SGPP2: variants seen among roughly 807,000 people sequenced by gnomAD.
SGPP2 encodes sphingosine-1-phosphate phosphatase 2, also known as sphingosine 1-phosphate phosphohydrolase 2.
A neutral mutation model predicts 33.9 loss-of-function variants in SGPP2; 30 were observed. The observed-to-expected ratio is 0.89, with a 90% confidence interval of 0.66 to 1.20. SGPP2 has a LOEUF of 1.20. Ranked by LOEUF, SGPP2 falls within the 50% of genes most tolerant of loss-of-function variation. The pLI is 0.00. For missense variants in SGPP2, 458 were observed against 532.1 expected (o/e 0.86, Z 1.37); for synonymous variants, 233 against 225.0 (o/e 1.04, Z -0.32).
In SGPP2 at chr2:222,474,602, TCTACTATTA is replaced by T; in HGVS notation, c.256_264del (p.Tyr86_Tyr88del). ...CAGAAGTACGTCGTGAAGAATTATT[TCTACTATTA>T]CCTATTCCAATTTTCAGCTGCTTTG... is the stretch of plus-strand genomic sequence containing the variant. On this transcript the variant is annotated inframe_deletion, in exon 2 of 5. Coordinates refer to ENST00000321276, the MANE Select transcript of SGPP2 (RefSeq NM_152386.4). 1 of 1,614,074 alleles carries T rather than the reference TCTACTATTA, an allele frequency of 6.2e-7. No individual in the cohort carries two copies. The highest frequency in any genetic ancestry group is 8.5e-7 in the Non-Finnish European group (1 of 1,180,000).
intron 1 of SGPP2, among the ~76,000 whole-genome samples, chr2:222,434,608 C>T (rs1294847547): frequency 6.6e-6 from 1 of 152,154 alleles, no homozygotes; most frequent in Non-Finnish European, 1.5e-5. Context: ...TTCATTGTTA[C>T]TTTGTTTATT....
intron 2 of SGPP2, among the ~76,000 whole-genome samples, chr2:222,510,945 T>C (rs1178477233): frequency 6.6e-6 from 1 of 152,238 alleles, no homozygotes; most frequent in African/African-American, 2.4e-5. Flanking sequence ...AAGTGTGGCT[T>C]GGCTTTTTAA....
At chr2:222,452,784 G>C in intron 1 of SGPP2, 1 of 1,521,570 alleles carries the variant, frequency 6.6e-7, no homozygotes, top group Non-Finnish European at 9.1e-7. Context: ...GTAGAGGCTG[G>C]GGTAGGTAGG....
intron 4 of SGPP2, among the ~76,000 whole-genome samples, chr2:222,537,144 GCTGTTTCCAAAAC>G (rs1184850600): frequency 6.6e-6 from 1 of 152,180 alleles, no homozygotes; most frequent in Non-Finnish European, 1.5e-5. Flanking sequence ...TATTCTTCAT[GCTGTTTCCAAAAC>G]CATTTGGAAA....
Position 222,465,676 on chromosome 2 carries a change from T to C in SGPP2, c.220-8892T>C, listed in dbSNP as rs1351184053. ...TCTAGTCTCACCAGAGTAAATCCAG[T>C]TGTGCTCCCATTTAAAACCCTCCCA... On this transcript the variant is annotated intron_variant, in intron 1 of 4. Coordinates refer to ENST00000321276, the MANE Select transcript of SGPP2 (RefSeq NM_152386.4). This position sits in a 1 kb window ranked among gnomAD's most constrained non-coding sequence, Gnocchi z 4.1. Among the ~76,000 whole-genome samples the C allele has an allele frequency of 2.0e-5, 3 of 152,230 alleles. No homozygotes were observed. Among genetic ancestry groups the C allele is most frequent in the Admixed American group, 6.5e-5 (1 of 15,292 alleles).
At chr2:222,428,447 C>CATTACATT (rs1697104029) in intron 1 of SGPP2, among the ~76,000 whole-genome samples, 1 of 152,220 alleles carries the variant, frequency 6.6e-6, no homozygotes, top group South Asian at 2.1e-4. Context: ...CCTTCCTCAG[C>CATTACATT]AGTACATTAG....
At chr2:222,431,985 G>A (rs1182577792) in intron 1 of SGPP2, among the ~76,000 whole-genome samples, 1 of 152,224 alleles carries the variant, frequency 6.6e-6, no homozygotes, top group Non-Finnish European at 1.5e-5. Context: ...AGAAATTGGT[G>A]TGATAATACA....
chr2:222,473,010 T>C (rs1697871478), intron 1 of SGPP2, among the ~76,000 whole-genome samples: 1 of 151,898 alleles, frequency 6.6e-6, no homozygotes, highest in Non-Finnish European at 1.5e-5. Context: ...CGAGACTCGG[T>C]CTCAAAAAAA....
At chr2:222,543,647 G>A (rs1316904923) in intron 4 of SGPP2, among the ~76,000 whole-genome samples, 1 of 152,146 alleles carries the variant, frequency 6.6e-6, no homozygotes, top group Non-Finnish European at 1.5e-5. Flanking sequence ...AGTTGATCAT[G>A]GGTAACTGAA....
intron 1 of SGPP2, among the ~76,000 whole-genome samples, chr2:222,442,239 G>T (rs1436719017): frequency 1.3e-5 from 2 of 152,142 alleles, no homozygotes; most frequent in East Asian, 1.9e-4. Context: ...TTTAAAAGTT[G>T]CTTTTGAATA....
intron 2 of SGPP2, among the ~76,000 whole-genome samples, chr2:222,488,550 T>G (rs1698147114): frequency 6.6e-6 from 1 of 152,178 alleles, no homozygotes; most frequent in Non-Finnish European, 1.5e-5. Flanking sequence ...CTGATCCCAG[T>G]GCTAAATAGG....
intron 4 of SGPP2, among the ~76,000 whole-genome samples, chr2:222,554,357 T>TATCATA (rs1245268846): frequency 1.7e-4 from 26 of 152,262 alleles, no homozygotes; most frequent in Admixed American, 1.4e-3. Flanking sequence ...TGCGTGGCTA[T>TATCATA]ATCATAGTTC....
chr2:222,465,310 G>T lies in SGPP2; in HGVS notation c.220-9258G>T, dbSNP rs1488151288. ...CTTGAAGATGAAAGAAGAAGCCCTC[G>T]TGCATTTTTGTTCCTTCTGTTTTCT... On this transcript the variant is annotated intron_variant, in intron 1 of 4. Transcript: ENST00000321276. This position sits in a 1 kb window ranked among gnomAD's most constrained non-coding sequence, Gnocchi z 4.1. 2.0e-5 allele frequency among the ~76,000 whole-genome samples: 3 copies of T among 152,144 alleles called. No homozygotes were observed. Among genetic ancestry groups the T allele is most frequent in the African/African-American group, 7.2e-5 (3 of 41,418 alleles).
intron 2 of SGPP2, among the ~76,000 whole-genome samples, chr2:222,478,524 C>T (rs1697984813): frequency 6.6e-6 from 1 of 152,036 alleles, no homozygotes; most frequent in African/African-American, 2.4e-5. Flanking sequence ...AAACGATATC[C>T]CTAAATTAGT....
At chr2:222,505,972 A>C (rs973031137) in intron 2 of SGPP2, among the ~76,000 whole-genome samples, 1 of 152,084 alleles carries the variant, frequency 6.6e-6, no homozygotes. Flanking sequence ...AAATTTACTA[A>C]AACTTATGCA....
intron 1 of SGPP2, among the ~76,000 whole-genome samples, chr2:222,470,655 G>A (rs892628174): frequency 6.6e-6 from 1 of 151,596 alleles, no homozygotes; most frequent in Non-Finnish European, 1.5e-5. Context: ...GGTAATGATG[G>A]TTGCTGAGTA....
chr2:222,492,458 T>G (rs1698212174), intron 2 of SGPP2, among the ~76,000 whole-genome samples: 1 of 152,238 alleles, frequency 6.6e-6, no homozygotes, highest in African/African-American at 2.4e-5. Context: ...AACTATACCT[T>G]GGCCCCTTTT....
chr2:222,451,640 C>T (rs1169523492), intron 1 of SGPP2, among the ~76,000 whole-genome samples: 1 of 152,176 alleles, frequency 6.6e-6, no homozygotes, highest in Non-Finnish European at 1.5e-5. Context: ...CCACAGGCTC[C>T]CCGCAGCTTT....
At chr2:222,432,855 C>T (rs897233286) in intron 1 of SGPP2, among the ~76,000 whole-genome samples, 4 of 152,088 alleles carry the variant, frequency 2.6e-5, no homozygotes, top group African/African-American at 9.7e-5. Flanking sequence ...AACCCTGTCT[C>T]TACTAAAAAT....
Sources: allele counts gnomAD v4.1 joint callset (sites outside exome capture counted in the v4.1 genomes callset), GRCh38; gene constraint gnomAD v4.1.1; non-coding constraint Gnocchi (gnomAD v3.1); transcripts MANE v1.5; gene names NCBI Gene and HGNC (gene_info 2026-07-23, HGNC 2026-07-21).